Variants in PRKCB observed in about 807,000 individuals in gnomAD.
PRKCB encodes the protein protein kinase C beta type.
In PRKCB, 13 loss-of-function variants were observed where a neutral mutation model predicts 81.5. The ratio of observed to expected loss-of-function variants is 0.16; its 90% CI spans 0.10 to 0.25. The LOEUF (loss-of-function observed/expected upper bound fraction) is 0.25. Ranked by LOEUF, PRKCB falls within the 10% of genes least tolerant of loss-of-function variation. The probability of loss-of-function intolerance (pLI) is 1.00; values close to 1 mark genes in which losing one functional copy is unlikely to be tolerated. For synonymous variants in PRKCB, 335 were observed against 321.4 expected (o/e 1.04, Z -0.45); for missense variants, 509 against 875.7 (o/e 0.58, Z 5.29).
intron 2 of PRKCB, among the ~76,000 whole-genome samples, chr16:23,918,328 A>G (rs1011355615): frequency 1.3e-5 from 2 of 151,954 alleles, no homozygotes; most frequent in African/African-American, 4.8e-5. Flanking sequence ...ATTTCAGTCA[A>G]CTTCACATGA....
Position 24,154,341 on chromosome 16 carries a change from G to A in PRKCB, c.1066-343G>A, listed in dbSNP as rs189668618. ...AAAATAAAAAATAAAAAAATTAGCC[G>A]GACATGGTGGCACTTACCTGTAGCC... On this transcript the variant is annotated intron_variant, in intron 9 of 16. Transcript: ENST00000643927. Among the ~76,000 whole-genome samples the A allele has an allele frequency of 1.5e-4, 23 of 152,198 alleles. No homozygotes were observed. In the East Asian group the frequency reaches 2.1e-3, roughly 14 times the overall value.
At chr16:23,836,747 TC>T (rs1962166890) in intron 1 of PRKCB, among the ~76,000 whole-genome samples, 1 of 136,930 alleles carries the variant, frequency 7.3e-6, no homozygotes, top group Non-Finnish European at 1.6e-5. Flanking sequence ...CGAGGAGCCC[TC>T]GCCCCCCACC....
chr16:24,093,091 A>T, intron 6 of PRKCB, 144 bp downstream of exon 6: 1 of 890,406 alleles, frequency 1.1e-6, no homozygotes, highest in Non-Finnish European at 1.6e-6. Context: ...CCTCACTCCT[A>T]TCTTTCCCTC....
chr16:24,117,854 C>A (rs1238931107), intron 8 of PRKCB, among the ~76,000 whole-genome samples: 1 of 152,180 alleles, frequency 6.6e-6, no homozygotes, highest in East Asian at 1.9e-4. Flanking sequence ...TCAGAATTTC[C>A]CAATCAAGGG....
chr16:23,948,125 G>A (rs1042102293), intron 2 of PRKCB, among the ~76,000 whole-genome samples: 5 of 152,134 alleles, frequency 3.3e-5, no homozygotes, highest in Admixed American at 6.5e-5. Flanking sequence ...AGACTGCAGA[G>A]TCAGCTATGG....
chr16:23,979,795 TG>T (rs1964671034), intron 2 of PRKCB, among the ~76,000 whole-genome samples: 1 of 152,188 alleles, frequency 6.6e-6, no homozygotes, highest in South Asian at 2.1e-4. Context: ...TGAACAACCT[TG>T]GGCAAATTAC....
chr16:24,193,752 T>C (rs937772176), intron 16 of PRKCB, among the ~76,000 whole-genome samples: 2 of 151,744 alleles, frequency 1.3e-5, no homozygotes, highest in African/African-American at 4.8e-5. Flanking sequence ...AGAGGGCTGG[T>C]GAGATAGAAG....
intron 9 of PRKCB, among the ~76,000 whole-genome samples, chr16:24,141,467 AT>A: frequency 6.6e-6 from 1 of 152,294 alleles, no homozygotes; most frequent in South Asian, 2.1e-4. Context: ...AAGTGCTGGG[AT>A]TACAGGCGTG....
chr16:24,181,341 G>A (rs1308979215), intron 13 of PRKCB, among the ~76,000 whole-genome samples: 1 of 152,112 alleles, frequency 6.6e-6, no homozygotes, highest in African/African-American at 2.4e-5. Flanking sequence ...CAGGAAAATG[G>A]ACAATAGCCC....
chr16:23,971,956 A>G (rs1964562718), intron 2 of PRKCB, among the ~76,000 whole-genome samples: 1 of 152,228 alleles, frequency 6.6e-6, no homozygotes, highest in South Asian at 2.1e-4. Flanking sequence ...CAAAAAATGA[A>G]TGAATAAATT....
chr16:24,156,643 A>G (rs951904516), intron 10 of PRKCB, among the ~76,000 whole-genome samples: 2 of 152,216 alleles, frequency 1.3e-5, no homozygotes, highest in East Asian at 1.9e-4. Context: ...TATTAAGTGA[A>G]TGATAATTTA....
intron 3 of PRKCB, among the ~76,000 whole-genome samples, chr16:24,024,507 T>C (rs1220324482): frequency 6.6e-6 from 1 of 152,234 alleles, no homozygotes; most frequent in African/African-American, 2.4e-5. Flanking sequence ...AGTTAGGTGA[T>C]GGATATGTTA....
At chr16:24,089,766 C>A (rs1314602389) in intron 5 of PRKCB, among the ~76,000 whole-genome samples, 1 of 150,828 alleles carries the variant, frequency 6.6e-6, no homozygotes, top group African/African-American at 2.5e-5. Flanking sequence ...CAGAGTGAGA[C>A]CTTGTCTCTC....
At chr16:23,986,523 A>G (rs1964806204) in intron 2 of PRKCB, among the ~76,000 whole-genome samples, 1 of 152,174 alleles carries the variant, frequency 6.6e-6, no homozygotes, top group African/African-American at 2.4e-5. Flanking sequence ...AAGTGCTGGG[A>G]TTACAGATGT....
intron 5 of PRKCB, among the ~76,000 whole-genome samples, chr16:24,092,314 G>A (rs1487170827): frequency 1.3e-5 from 2 of 152,212 alleles, no homozygotes. Context: ...AATGTTCATA[G>A]CAGCAGTATT....
intron 2 of PRKCB, among the ~76,000 whole-genome samples, chr16:23,916,753 A>G (rs954497387): frequency 1.3e-5 from 2 of 152,104 alleles, no homozygotes; most frequent in Non-Finnish European, 2.9e-5. Context: ...GTCAGTGCAT[A>G]TAGAACATCC....
At chr16:23,920,335 A>G (rs1963805508) in intron 2 of PRKCB, among the ~76,000 whole-genome samples, 1 of 152,152 alleles carries the variant, frequency 6.6e-6, no homozygotes, top group South Asian at 2.1e-4. Context: ...ATGATTTTGC[A>G]TTATCACATC....
At chr16:24,191,055 A>C in intron 15 of PRKCB, 35 bp from the exon 16 acceptor site, 1 of 1,605,432 alleles carries the variant, frequency 6.2e-7, no homozygotes, top group South Asian at 1.1e-5. Context: ...CTCTTCTGAA[A>C]CTCAGCAAAT....
At chr16:24,021,083 C>CTTTT (rs1163123123) in intron 3 of PRKCB, among the ~76,000 whole-genome samples, 8 of 120,930 alleles carry the variant, frequency 6.6e-5, no homozygotes, top group African/African-American at 1.6e-4. Flanking sequence ...TTCTTTCTTT[C>CTTTT]TTTCTTTTTT....
Sources: gnomAD v4.1 joint callset for allele counts (sites outside exome capture counted in the v4.1 genomes callset) on GRCh38, gnomAD v4.1.1 for gene constraint, MANE v1.5 for transcripts, NCBI Gene and HGNC (gene_info 2026-07-23, HGNC 2026-07-21) for gene names.